OCIAD1: variants seen among roughly 807,000 people sequenced by gnomAD.
The protein encoded by OCIAD1 is OCIA domain containing 1, also known as OCIA domain-containing protein 1.
In OCIAD1, 29 loss-of-function variants were observed where a neutral mutation model predicts 38.9. The ratio of observed to expected loss-of-function variants is 0.74; its 90% CI spans 0.55 to 1.02. OCIAD1 has a LOEUF of 1.02. Ranked by LOEUF, OCIAD1 falls within the 50% of genes least tolerant of loss-of-function variation. The pLI is 0.00. For synonymous variants in OCIAD1, 110 were observed against 92.0 expected (o/e 1.20, Z -1.12); for missense variants, 288 against 289.6 (o/e 0.99, Z 0.04).
upstream of OCIAD1, among the ~76,000 whole-genome samples, chr4:48,828,595 C>A (rs949948280): frequency 3.9e-5 from 6 of 152,140 alleles, no homozygotes; most frequent in Admixed American, 3.9e-4. Flanking sequence ...CCAGTGAGAC[C>A]ATGAACCCAC....
At chr4:48,829,509 T>C (rs1275101181), upstream of OCIAD1, among the ~76,000 whole-genome samples, 2 of 152,220 alleles carry the variant, frequency 1.3e-5, no homozygotes, top group Middle Eastern at 3.4e-3. Context: ...AGAGAGACAA[T>C]ACACAAACAA....
chr4:48,854,708 C>A (rs1206094978), intron 7 of OCIAD1, among the ~76,000 whole-genome samples: 1 of 152,218 alleles, frequency 6.6e-6, no homozygotes, highest in Non-Finnish European at 1.5e-5. Context: ...ACCCCCTTCT[C>A]TAAATCAAAG....
intron 3 of OCIAD1, 130 bp downstream of exon 3, chr4:48,833,611 G>A: frequency 1.7e-6 from 1 of 594,398 alleles, no homozygotes; most frequent in Non-Finnish European, 3.0e-6. Flanking sequence ...TAGTGTGGTT[G>A]TTGTTAAAAG....
Position 48,852,882 on chromosome 4 carries a change from GTTTTTTT to G in OCIAD1, c.547+918_547+924del, listed in dbSNP as rs1439653723. Among the ~76,000 whole-genome samples, 5 of 126,306 alleles carry G rather than the reference GTTTTTTT, an allele frequency of 4.0e-5. No homozygotes were observed. The South Asian group carries it at 1.3e-3, about 33-fold the overall frequency. 82.9% of individuals were successfully genotyped at this position (126,306 alleles called of 152,430 possible). On this transcript the variant is annotated intron_variant, in intron 7 of 8. Coordinates refer to ENST00000264312, the MANE Select transcript of OCIAD1 (RefSeq NM_017830.4). ...TAAGCCAAGTTTTTTTTTGTTTTTT[GTTTTTTT>G]TTTTTTTTTTGAGATGGAGTCTTGC... is the stretch of plus-strand genomic sequence containing the variant.
At chr4:48,817,172 G>A (rs1180364807) in intron 1 of OCIAD1, among the ~76,000 whole-genome samples, 1 of 152,160 alleles carries the variant, frequency 6.6e-6, no homozygotes, top group Admixed American at 6.5e-5. Context: ...TGCTTCACCC[G>A]GGAAGTGTAA....
Position 48,832,491 on chromosome 4 carries a change from A to T in OCIAD1, c.-5-129A>T, listed in dbSNP as rs950880488. The stretch of plus-strand genomic sequence containing the variant: ...ACATGTGGAGTACGTAAGATATAGT[A>T]GTGTTTAATAAATATTTGTTGATTG... On this transcript the variant is annotated intron_variant, in intron 1 of 8. Transcript: ENST00000264312. 7 of 710,880 alleles carry T rather than the reference A, an allele frequency of 9.8e-6. No individual in the cohort carries two copies. In the African/African-American group the frequency reaches 1.2e-4, roughly 12 times the overall value. The allele number at this position is 710,880 out of a possible 1,614,324, so 44.0% of individuals were successfully genotyped here. A position where few individuals can be genotyped will look rare whatever the true frequency, so the allele number is the denominator to read the frequency against.
intron 1 of OCIAD1, among the ~76,000 whole-genome samples, chr4:48,817,381 C>T (rs1333760666): frequency 6.7e-6 from 1 of 150,026 alleles, no homozygotes; most frequent in Non-Finnish European, 1.5e-5. Flanking sequence ...TTCATACCCC[C>T]AGTGGCACCT....
chr4:48,806,825 C>T (rs1216697374), intron 1 of OCIAD1, among the ~76,000 whole-genome samples: 7 of 152,106 alleles, frequency 4.6e-5, no homozygotes, highest in African/African-American at 1.4e-4. Context: ...AGGATGGTCT[C>T]GATCTCTTGA....
At position 48,840,373 on chromosome 4, in the gene OCIAD1, G is replaced by A. The variant is rs567303880; in HGVS notation, c.140-2263G>A. 2.6e-5 allele frequency among the ~76,000 whole-genome samples: 4 copies of A among 152,310 alleles called. No homozygotes were observed. The South Asian group carries it at 8.3e-4, about 32-fold the overall frequency. On this transcript the variant is annotated intron_variant, in intron 3 of 8. Coordinates refer to ENST00000264312, the MANE Select transcript of OCIAD1 (RefSeq NM_017830.4). ...TGTAATTAAAAGGGATTTGTCCTTT[G>A]CAAAACCTTAAATGATAAATGATAA...
chr4:48,806,489 C>G (rs1229672711), intron 1 of OCIAD1, among the ~76,000 whole-genome samples: 3 of 152,070 alleles, frequency 2.0e-5, no homozygotes, highest in Non-Finnish European at 4.4e-5. Context: ...GTTTAAAACT[C>G]ATTTCAAATT....
intron 7 of OCIAD1, chr4:48,856,792 T>C (rs761059923): frequency 6.6e-6 from 1 of 152,372 alleles, no homozygotes; most frequent in Non-Finnish European, 1.5e-5. Flanking sequence ...TTTAACTATA[T>C]ATTGAGTAAA....
In OCIAD1 at chr4:48,860,918, A is replaced by C. The variant is rs1424524005; in HGVS notation, c.*156A>C. The C allele has an allele frequency of 3.1e-6, 2 of 648,510 alleles. No individual in the cohort carries two copies. Among genetic ancestry groups the C allele is most frequent in the Non-Finnish European group, 5.5e-6 (2 of 360,380 alleles). 40.2% of individuals were successfully genotyped at this position (648,510 alleles called of 1,614,324 possible). On this transcript the variant is annotated 3_prime_UTR_variant, in exon 9 of 9. Coordinates refer to ENST00000264312, the MANE Select transcript of OCIAD1 (RefSeq NM_017830.4). ...GTTTGACTTCTATGGTGTTTTAAAA[A>C]AACACAGATTTTTAGTGTTAATATT... is the stretch of plus-strand genomic sequence containing the variant.
intron 1 of OCIAD1, among the ~76,000 whole-genome samples, chr4:48,822,165 C>CA (rs1303340643): frequency 6.6e-6 from 1 of 152,160 alleles, no homozygotes; most frequent in Non-Finnish European, 1.5e-5. Flanking sequence ...CTACAGTAAC[C>CA]AAAACAGCAT....
intron 4 of OCIAD1, among the ~76,000 whole-genome samples, chr4:48,848,137 A>C (rs547974344): frequency 6.2e-4 from 94 of 152,128 alleles, no homozygotes; most frequent in African/African-American, 2.2e-3. Flanking sequence ...TTTTTCATAC[A>C]CACACACATA....
chr4:48,858,272 A>G (rs1236301337), intron 8 of OCIAD1, among the ~76,000 whole-genome samples: 3 of 152,190 alleles, frequency 2.0e-5, no homozygotes, highest in African/African-American at 4.8e-5. Context: ...CTCTCTTACA[A>G]CAAATCTCCT....
intron 1 of OCIAD1, among the ~76,000 whole-genome samples, chr4:48,812,773 C>T (rs1275148940): frequency 1.3e-5 from 2 of 151,842 alleles, no homozygotes; most frequent in African/African-American, 4.8e-5. Context: ...CATAAAAGAG[C>T]AAAAAAATGA....
intron 1 of OCIAD1, among the ~76,000 whole-genome samples, chr4:48,811,558 T>G (rs764121392): frequency 6.6e-6 from 1 of 152,176 alleles, no homozygotes; most frequent in Non-Finnish European, 1.5e-5. Flanking sequence ...CATAATACAA[T>G]TCACCATTAC....
At chr4:48,846,862 G>T (rs940900099) in intron 4 of OCIAD1, among the ~76,000 whole-genome samples, 1 of 151,956 alleles carries the variant, frequency 6.6e-6, no homozygotes, top group African/African-American at 2.4e-5. Flanking sequence ...TAACCACATT[G>T]TTGCATGTAG....
At chr4:48,836,546 C>T (rs531524985) in intron 3 of OCIAD1, among the ~76,000 whole-genome samples, 5 of 152,200 alleles carry the variant, frequency 3.3e-5, no homozygotes, top group South Asian at 2.1e-4. Context: ...TTGGTGAATT[C>T]GCCAATAAAT....
Sources: gnomAD v4.1 joint callset for allele counts (sites outside exome capture counted in the v4.1 genomes callset) on GRCh38, gnomAD v4.1.1 for gene constraint, MANE v1.5 for transcripts, NCBI Gene and HGNC (gene_info 2026-07-23, HGNC 2026-07-21) for gene names.